PRR3: variants seen among roughly 807,000 people sequenced by gnomAD.
The protein encoded by PRR3 is proline rich 3.
PRR3 carries 16 observed loss-of-function variants against 22.4 expected under a neutral mutation model. The observed-to-expected ratio is 0.71, with a 90% CI of 0.48 to 1.09. The LOEUF (loss-of-function observed/expected upper bound fraction) is 1.09. Among genes scored for constraint, PRR3 ranks in the 50% least tolerant of loss-of-function variants. The probability of loss-of-function intolerance (pLI) is 0.00; values close to 1 mark genes in which losing one functional copy is unlikely to be tolerated. For synonymous variants in PRR3, 87 were observed against 88.6 expected (o/e 0.98, Z 0.10); for missense variants, 224 against 243.4 (o/e 0.92, Z 0.53).
At position 30,561,924 on chromosome 6, in the gene PRR3, G is replaced by A. The variant is rs772874993; in HGVS notation, c.260G>A (p.Arg87Gln). The A allele has an allele frequency of 1.1e-5, 17 of 1,612,734 alleles. No individual in the cohort carries two copies. Among genetic ancestry groups the A allele is most frequent in the Admixed American group, 8.3e-5 (5 of 59,966 alleles). The change falls in exon 3 of 4, where the codon CGG (arginine) becomes CAG (glutamine). Residue 87 changes from arginine (R) to glutamine (Q), a missense_variant. Transcript: ENST00000376560. This position sits in a 1 kb window ranked among gnomAD's most constrained non-coding sequence, Gnocchi z 4.0. ...CCTCCTTGGGGTAGAGGCCCAATTCGGAGAGGGCTTGGCCCCAGGTCTAGC... is the reference window on the plus strand; with the variant it reads ...CCTCCTTGGGGTAGAGGCCCAATTCAGAGAGGGCTTGGCCCCAGGTCTAGC... ...PPPPWGRGPIRRGLGPRSSPY... is the reference protein window; with the variant it reads ...PPPPWGRGPIQRGLGPRSSPY...
intron 2 of PRR3, among the ~76,000 whole-genome samples, chr6:30,559,409 A>G (rs1800478619): frequency 6.6e-6 from 1 of 152,186 alleles, no homozygotes; most frequent in South Asian, 2.1e-4. Context: ...AACTTGCCAA[A>G]TAATACCATT....
chr6:30,557,496 G>T (rs747396539), intron 1 of PRR3, 46 bp downstream of exon 1: 18 of 1,379,118 alleles, frequency 1.3e-5, no homozygotes, highest in Non-Finnish European at 1.8e-5. Context: ...AAGCCCGTCC[G>T]GGCAAGGGGC....
chr6:30,563,494 C>A lies in PRR3; in HGVS notation c.*999C>A. On this transcript the variant is annotated 3_prime_UTR_variant, in exon 4 of 4. Transcript: ENST00000376560. ...GGTAGAAGCTGGACAGTACTGTTGC[C>A]CTCTTCCAATCCTCTTCCCCTACAT... 1 of 152,686 alleles carries A rather than the reference C, an allele frequency of 6.5e-6. No homozygotes were observed. The allele number at this position is 152,686 out of a possible 1,614,324, so 9.5% of individuals were successfully genotyped here. A position where few individuals can be genotyped will look rare whatever the true frequency, so the allele number is the denominator to read the frequency against.
At chr6:30,558,526 G>C (rs920052203) in intron 2 of PRR3, 11 of 364,970 alleles carry the variant, frequency 3.0e-5, no homozygotes, top group African/African-American at 2.2e-4. Flanking sequence ...GGCTTACTAT[G>C]AATATCAAGA....
In PRR3 at chr6:30,557,334, C is replaced by T. The variant is rs1177739948; in HGVS notation, c.-11C>T. On this transcript the variant is annotated 5_prime_UTR_variant, in exon 1 of 4. Transcript: ENST00000376560. ...CCTCCAAATCCCGCTGCAGCCATTG[C>T]CGCAGACACGATGCCGAAACGAAAG... The T allele has an allele frequency of 1.9e-6, 3 of 1,607,986 alleles. No homozygotes were observed. Among genetic ancestry groups the T allele is most frequent in the East Asian group, 2.2e-5 (1 of 44,830 alleles).
chr6:30,558,833 C>A (rs1005856461), intron 2 of PRR3, among the ~76,000 whole-genome samples: 4 of 152,094 alleles, frequency 2.6e-5, no homozygotes, highest in African/African-American at 9.7e-5. Context: ...AAAAGTTGGT[C>A]TTTTCAATAA....
At chr6:30,558,320 C>T (rs760011493) in intron 2 of PRR3, 108 bp downstream of exon 2, 1 of 857,304 alleles carries the variant, frequency 1.2e-6, no homozygotes, top group Non-Finnish European at 1.9e-6. Flanking sequence ...GATTCCATCC[C>T]TAAATGAATG....
intron 1 of PRR3, 47 bp downstream of exon 1, chr6:30,557,497 G>A (rs1273998856): frequency 7.2e-7 from 1 of 1,385,078 alleles, no homozygotes; most frequent in Admixed American, 1.8e-5. Flanking sequence ...AGCCCGTCCG[G>A]GCAAGGGGCT....
rs114423170 is a variant in PRR3, at chr6:30,563,636, G to A, written c.*1141G>A. 0.023 allele frequency: 3,469 copies of A among 151,844 alleles called. 59 individuals are homozygous for A. Among genetic ancestry groups the A allele is most frequent in the Non-Finnish European group, 0.031 (2,105 of 67,866 alleles). 9.4% of individuals were successfully genotyped at this position (151,844 alleles called of 1,614,324 possible). A position where few individuals can be genotyped will look rare whatever the true frequency, so the allele number is the denominator to read the frequency against. On this transcript the variant is annotated 3_prime_UTR_variant, in exon 4 of 4. Transcript: ENST00000376560. ...AGAGGGAGGGGTGAGAGCTGTTGGA[G>A]AACTGAGAATGAGGTTTTTTTTTTT... is the stretch of plus-strand genomic sequence containing the variant.
rs781363952 is a variant in PRR3 at position 30,561,810 on chromosome 6, G to C, written c.170-24G>C. 21 of 1,390,892 alleles carry C rather than the reference G, an allele frequency of 1.5e-5. No individual in the cohort carries two copies. The highest frequency in any genetic ancestry group is 1.1e-4 in the East Asian group (4 of 37,136). The allele number at this position is 1,390,892 out of a possible 1,614,324, so 86.2% of individuals were successfully genotyped here. A position where few individuals can be genotyped will look rare whatever the true frequency, so the allele number is the denominator to read the frequency against. ...AGCTGCCCATTAGACACCTTTCTGT[G>C]TCTCTCTCTCTCTCTCTCTCCAGCT... On this transcript the variant is annotated intron_variant, in intron 2 of 3. Coordinates refer to ENST00000376560, the MANE Select transcript of PRR3 (RefSeq NM_025263.4). This position sits in a 1 kb window ranked among gnomAD's most constrained non-coding sequence, Gnocchi z 4.0.
intron 1 of PRR3, among the ~76,000 whole-genome samples, chr6:30,557,756 C>G (rs1329885957): frequency 6.6e-6 from 1 of 152,216 alleles, no homozygotes; most frequent in Non-Finnish European, 1.5e-5. Flanking sequence ...ATTGCGATGA[C>G]TGGGATGACA....
chr6:30,557,380 A>G lies in PRR3; in HGVS notation c.36A>G (p.Pro12=), dbSNP rs775714984. 6.2e-7 allele frequency: 1 copy of G among 1,612,710 alleles called. No homozygotes were observed. The highest frequency in any genetic ancestry group is 8.5e-7 in the Non-Finnish European group (1 of 1,179,950). ...GAAAGAAGCAGAATCATCACCAGCC[A>G]CCGACACAGCAGCAGCCCCCGCTGC... is the stretch of plus-strand genomic sequence containing the variant. The part of the protein sequence containing the change: ...PKRKKQNHHQ[P]PTQQQPPLPE... Residue 12 remains proline (P), a synonymous_variant, in exon 1 of 4, where the codon CCA becomes CCG. Coordinates refer to ENST00000376560, the MANE Select transcript of PRR3 (RefSeq NM_025263.4).
At chr6:30,559,007 G>A (rs967212885) in intron 2 of PRR3, among the ~76,000 whole-genome samples, 1 of 152,228 alleles carries the variant, frequency 6.6e-6, no homozygotes, top group Non-Finnish European at 1.5e-5. Flanking sequence ...GTAGCTAAGA[G>A]TTCTTAAACA....
Position 30,562,514 on chromosome 6 carries a change from A to C in PRR3, c.*19A>C. ...TCTGTGAGACTGTGCCTTCCCATCC[A>C]GGCTGGAAGGAGCTCTCTGTGACCT... On this transcript the variant is annotated 3_prime_UTR_variant, in exon 4 of 4. Coordinates refer to ENST00000376560, the MANE Select transcript of PRR3 (RefSeq NM_025263.4). 6.7e-7 allele frequency: 1 copy of C among 1,481,538 alleles called. No homozygotes were observed. The highest frequency in any genetic ancestry group is 9.4e-7 in the Non-Finnish European group (1 of 1,060,954). The allele number at this position is 1,481,538 out of a possible 1,614,324, so 91.8% of individuals were successfully genotyped here.
At chr6:30,558,272 G>A in intron 2 of PRR3, 60 bp downstream of exon 2, 2 of 1,396,382 alleles carry the variant, frequency 1.4e-6, no homozygotes, top group South Asian at 1.2e-5. Flanking sequence ...CAAGGGAGGG[G>A]ATAAAACCCA....
chr6:30,561,438 A>C lies in PRR3; in HGVS notation c.170-396A>C, dbSNP rs999116192. The C allele has an allele frequency of 2.0e-6, 1 of 491,016 alleles. No individual in the cohort carries two copies. Among genetic ancestry groups the C allele is most frequent in the East Asian group, 5.9e-5 (1 of 17,050 alleles). The allele number at this position is 491,016 out of a possible 1,614,324, so 30.4% of individuals were successfully genotyped here. Reference sequence around the variant, plus strand: ...CAACGAAAATGAATGAACTGCTGCTACAGGCAACCTGGATGAATCTCACAA... The same window carrying C: ...CAACGAAAATGAATGAACTGCTGCTCCAGGCAACCTGGATGAATCTCACAA... On this transcript the variant is annotated intron_variant, in intron 2 of 3. Transcript: ENST00000376560. This position sits in a 1 kb window ranked among gnomAD's most constrained non-coding sequence, Gnocchi z 4.0.
chr6:30,557,260 G>A (rs138221465), upstream of PRR3: 1 of 1,038,804 alleles, frequency 9.6e-7, no homozygotes, highest in Admixed American at 2.0e-5. Context: ...GCTGCCCACC[G>A]ACCCCCCGGA....
intron 1 of PRR3, 124 bp from the exon 2 acceptor site, chr6:30,558,026 G>C (rs891316792): frequency 2.4e-6 from 2 of 830,432 alleles, no homozygotes; most frequent in Non-Finnish European, 2.0e-6. Context: ...TCCCAAGACT[G>C]CTGAAAATAT....
At chr6:30,559,440 T>C (rs1800480150) in intron 2 of PRR3, among the ~76,000 whole-genome samples, 1 of 152,058 alleles carries the variant, frequency 6.6e-6, no homozygotes, top group South Asian at 2.1e-4. Context: ...CAGGAAGCCA[T>C]ACAATAGAAG....
Sources: allele counts gnomAD v4.1 joint callset (sites outside exome capture counted in the v4.1 genomes callset), GRCh38; gene constraint gnomAD v4.1.1; non-coding constraint Gnocchi (gnomAD v3.1); transcripts MANE v1.5; gene names NCBI Gene and HGNC (gene_info 2026-07-23, HGNC 2026-07-21).